Variants in OPCML observed in about 807,000 individuals in gnomAD.
OPCML encodes opioid binding protein/cell adhesion molecule like, also known as opioid-binding protein/cell adhesion molecule.
Under a neutral mutation model 37.8 loss-of-function variants are expected in OPCML, and 13 were observed. That is an observed-to-expected ratio of 0.34 (90% CI 0.22 to 0.55). OPCML has a LOEUF of 0.55. Among genes scored for constraint, OPCML ranks in the 20% least tolerant of loss-of-function variants. The probability of loss-of-function intolerance (pLI) is 0.91; values close to 1 mark genes in which losing one functional copy is unlikely to be tolerated. For synonymous variants in OPCML, 176 were observed against 168.8 expected (o/e 1.04, Z -0.33); for missense variants, 341 against 435.6 (o/e 0.78, Z 1.93).
intron 1 of OPCML, among the ~76,000 whole-genome samples, chr11:133,375,680 G>A (rs1329140614): frequency 2.0e-5 from 3 of 152,046 alleles, no homozygotes; most frequent in African/African-American, 7.2e-5. Context: ...CCTTATTTGA[G>A]CTGCTGCTAT....
chr11:132,567,141 C>T (rs1194212944), intron 3 of OPCML, among the ~76,000 whole-genome samples: 1 of 149,778 alleles, frequency 6.7e-6, no homozygotes, highest in African/African-American at 2.4e-5. Flanking sequence ...AGACAGTCCT[C>T]CTGCTCACCA....
chr11:132,477,582 C>T (rs1264213268), intron 4 of OPCML, among the ~76,000 whole-genome samples: 1 of 152,102 alleles, frequency 6.6e-6, no homozygotes, highest in Non-Finnish European at 1.5e-5. Flanking sequence ...CAAAGCTGTC[C>T]CTGTTTTTAA....
intron 4 of OPCML, among the ~76,000 whole-genome samples, chr11:132,494,055 T>A (rs1222123989): frequency 6.6e-6 from 1 of 152,222 alleles, no homozygotes; most frequent in East Asian, 1.9e-4. Flanking sequence ...TTTGGCAGCC[T>A]TACAGGCCTT....
intron 1 of OPCML, among the ~76,000 whole-genome samples, chr11:133,249,394 C>A (rs1344520418): frequency 6.6e-6 from 1 of 152,176 alleles, no homozygotes; most frequent in East Asian, 1.9e-4. Flanking sequence ...AAGGAGGATG[C>A]AAAGCCATTT....
At chr11:132,746,835 C>T (rs1275464715) in intron 2 of OPCML, among the ~76,000 whole-genome samples, 1 of 152,106 alleles carries the variant, frequency 6.6e-6, no homozygotes, top group Non-Finnish European at 1.5e-5. Context: ...AAAGAGCTGT[C>T]CTTCAAGGGC....
chr11:133,118,924 T>C (rs1949379523), intron 1 of OPCML, among the ~76,000 whole-genome samples: 1 of 152,248 alleles, frequency 6.6e-6, no homozygotes. Flanking sequence ...TTAATTCAAG[T>C]ATTAAAATAG....
chr11:132,955,496 C>A (rs1025347403), intron 1 of OPCML, among the ~76,000 whole-genome samples: 18 of 151,546 alleles, frequency 1.2e-4, no homozygotes, highest in African/African-American at 4.1e-4. Flanking sequence ...TAATGTAATC[C>A]TGTTAACACC....
Position 132,739,409 on chromosome 11 carries a change from G to A in OPCML, c.147-82090C>T, listed in dbSNP as rs565318384. ...CCCAGGCAATGAACCTAAGTGGGTAGAAGAAAAAGTTTTTTTCCTCCCTAA... is the reference window on the plus strand; with the variant it reads ...CCCAGGCAATGAACCTAAGTGGGTAAAAGAAAAAGTTTTTTTCCTCCCTAA... On this transcript the variant is annotated intron_variant, in intron 2 of 7. Transcript: ENST00000524381. 4.2e-4 allele frequency among the ~76,000 whole-genome samples: 64 copies of A among 152,284 alleles called. No individual in the cohort carries two copies. In the East Asian group the frequency reaches 0.012, roughly 28 times the overall value.
intron 1 of OPCML, among the ~76,000 whole-genome samples, chr11:133,413,336 G>C (rs555178251): frequency 1.3e-5 from 2 of 151,308 alleles, no homozygotes; most frequent in African/African-American, 4.8e-5. Context: ...TGTGGGGTAG[G>C]GGGGAGGGGG....
At chr11:133,151,003 G>A (rs1201891480) in intron 1 of OPCML, among the ~76,000 whole-genome samples, 2 of 151,928 alleles carry the variant, frequency 1.3e-5, no homozygotes, top group African/African-American at 2.4e-5. Context: ...GGCCAGGTGC[G>A]GTGGCTCATG....
At chr11:132,673,276 C>T (rs1361758783) in intron 2 of OPCML, among the ~76,000 whole-genome samples, 1 of 151,970 alleles carries the variant, frequency 6.6e-6, no homozygotes, top group Non-Finnish European at 1.5e-5. Context: ...CAAAACCAAA[C>T]CAAACATAAA....
In OPCML at chr11:132,851,845, C is replaced by T. The variant is rs1003215740; in HGVS notation, c.146+91081G>A. On this transcript the variant is annotated intron_variant, in intron 2 of 7. Transcript: ENST00000524381. ...CACACTGAGAGTTATTTTTATGTAACGCCTGTTCACATGAAAGAACGCGAT... is the reference window on the plus strand; with the variant it reads ...CACACTGAGAGTTATTTTTATGTAATGCCTGTTCACATGAAAGAACGCGAT... Among the ~76,000 whole-genome samples, 3 of 152,218 alleles carry T rather than the reference C, an allele frequency of 2.0e-5. 1 individual carries two copies. Among genetic ancestry groups the T allele is most frequent in the South Asian group, 4.1e-4 (2 of 4,826 alleles).
At chr11:132,865,224 C>T (rs1339626480) in intron 2 of OPCML, among the ~76,000 whole-genome samples, 1 of 152,174 alleles carries the variant, frequency 6.6e-6, no homozygotes, top group Non-Finnish European at 1.5e-5. Context: ...ATCTTACAAA[C>T]TGAATTTAAT....
chr11:133,035,367 G>T (rs923974097), intron 1 of OPCML, among the ~76,000 whole-genome samples: 2 of 152,160 alleles, frequency 1.3e-5, no homozygotes, highest in African/African-American at 2.4e-5. Flanking sequence ...GATCAAGGCT[G>T]CAGAGAAAGA....
intron 4 of OPCML, among the ~76,000 whole-genome samples, chr11:132,469,759 A>AGTGTGTGTGTATGTGTGGAGGG (rs2096130943): frequency 1.8e-5 from 1 of 56,036 alleles, no homozygotes; most frequent in Non-Finnish European, 3.2e-5. Context: ...GAGGGGTGTG[A>AGTGTGTGTGTATGTGTGGAGGG]GTGTGTGTGT....
intron 1 of OPCML, among the ~76,000 whole-genome samples, chr11:133,368,823 T>A (rs181516726): frequency 1.3e-5 from 2 of 152,214 alleles, no homozygotes; most frequent in Non-Finnish European, 2.9e-5. Flanking sequence ...GATGAGGCAC[T>A]TCCTACCCAG....
chr11:133,141,159 C>T (rs977595541), intron 1 of OPCML, among the ~76,000 whole-genome samples: 1 of 151,804 alleles, frequency 6.6e-6, no homozygotes, highest in African/African-American at 2.4e-5. Flanking sequence ...AGTGAAATGA[C>T]CACTGCTGCA....
intron 1 of OPCML, among the ~76,000 whole-genome samples, chr11:133,143,834 C>T (rs1471523783): frequency 9.9e-5 from 15 of 152,256 alleles, no homozygotes; most frequent in Admixed American, 9.8e-4. Context: ...CGGAAATACA[C>T]ATTCAATTGC....
chr11:133,291,315 G>A (rs1264151319), intron 1 of OPCML, among the ~76,000 whole-genome samples: 1 of 152,164 alleles, frequency 6.6e-6, no homozygotes, highest in East Asian at 1.9e-4. Context: ...GGTGTCTGTC[G>A]GTTAAAGAGG....
Sources: allele counts gnomAD v4.1 joint callset (sites outside exome capture counted in the v4.1 genomes callset), GRCh38; gene constraint gnomAD v4.1.1; transcripts MANE v1.5; gene names NCBI Gene and HGNC (gene_info 2026-07-23, HGNC 2026-07-21).